The following CHN2 variants were observed in gnomAD, a reference collection of about 807,000 sequenced individuals.
CHN2 encodes the protein chimerin 2, also known as beta-chimaerin.
In CHN2, 35 loss-of-function variants were observed where a neutral mutation model predicts 56.3. The ratio of observed to expected loss-of-function variants is 0.62; its 90% CI spans 0.47 to 0.82. CHN2 has a LOEUF of 0.82. Ranked by LOEUF, CHN2 falls within the 40% of genes least tolerant of loss-of-function variation. The pLI is 0.00. For missense variants in CHN2, 491 were observed against 580.5 expected (o/e 0.85, Z 1.58); for synonymous variants, 210 against 212.8 (o/e 0.99, Z 0.12).
At chr7:29,472,281 A>ACACACACACACACACACT (rs1554298692) in intron 6 of CHN2, among the ~76,000 whole-genome samples, 1 of 143,502 alleles carries the variant, frequency 7.0e-6, no homozygotes. Context: ...ATACACACAC[A>ACACACACACACACACACT]CACACACACA....
intron 1 of CHN2, among the ~76,000 whole-genome samples, chr7:29,308,748 G>T (rs1794359476): frequency 6.6e-6 from 1 of 152,160 alleles, no homozygotes; most frequent in African/African-American, 2.4e-5. Flanking sequence ...GTAGTTGGGT[G>T]GATAATAGCC....
chr7:29,379,294 C>T (rs1203176103), intron 3 of CHN2, among the ~76,000 whole-genome samples: 1 of 152,188 alleles, frequency 6.6e-6, no homozygotes, highest in Non-Finnish European at 1.5e-5. Context: ...AAAGGTGGCA[C>T]AGCACTCCAT....
chr7:29,352,688 A>C (rs570289051), intron 1 of CHN2, among the ~76,000 whole-genome samples: 35 of 152,322 alleles, frequency 2.3e-4, no homozygotes, highest in South Asian at 1.0e-3. Context: ...ATGCCACTGC[A>C]CTTCAGCCTG....
At chr7:29,490,354 T>G (rs1788528033) in intron 7 of CHN2, among the ~76,000 whole-genome samples, 2 of 152,204 alleles carry the variant, frequency 1.3e-5, no homozygotes, top group South Asian at 4.1e-4. Flanking sequence ...GAAGAATTTA[T>G]TATTCTCTCC....
intron 3 of CHN2, among the ~76,000 whole-genome samples, chr7:29,375,425 A>T (rs1365553496): frequency 1.3e-5 from 2 of 151,542 alleles, no homozygotes; most frequent in Non-Finnish European, 2.9e-5. Flanking sequence ...TGAACTCCTG[A>T]CCTCAAGTGA....
intron 2 of CHN2, among the ~76,000 whole-genome samples, chr7:29,150,695 A>G (rs1793467803): frequency 6.6e-6 from 1 of 152,192 alleles, no homozygotes; most frequent in Non-Finnish European, 1.5e-5. Context: ...CTTGTAGGCA[A>G]TCATGCCCCT....
chr7:29,280,145 A>G (rs1181463901), intron 1 of CHN2, among the ~76,000 whole-genome samples: 1 of 152,182 alleles, frequency 6.6e-6, no homozygotes, highest in African/African-American at 2.4e-5. Context: ...GCACTTTGGG[A>G]GGCTGAGGCG....
At chr7:29,175,215 C>T (rs1797138237) in intron 2 of CHN2, among the ~76,000 whole-genome samples, 1 of 151,534 alleles carries the variant, frequency 6.6e-6, no homozygotes, top group Non-Finnish European at 1.5e-5. Flanking sequence ...CTCTCTGTCA[C>T]CCAGGCTGGA....
intron 1 of CHN2, among the ~76,000 whole-genome samples, chr7:29,243,632 TCC>T (rs779575109): frequency 3.3e-5 from 5 of 152,204 alleles, no homozygotes; most frequent in Non-Finnish European, 7.3e-5. Flanking sequence ...CTTAAAATAC[TCC>T]AGAAGTTTTT....
intron 2 of CHN2, among the ~76,000 whole-genome samples, chr7:29,357,551 A>G (rs1213420497): frequency 2.0e-5 from 3 of 152,254 alleles, no homozygotes; most frequent in Admixed American, 2.0e-4. Context: ...GAAATCAACA[A>G]TGAATAAAAT....
At chr7:29,494,312 TTATTA>T (rs1470376992) in intron 7 of CHN2, among the ~76,000 whole-genome samples, 1 of 152,136 alleles carries the variant, frequency 6.6e-6, no homozygotes, top group Non-Finnish European at 1.5e-5. Context: ...ACATATTATT[TTATTA>T]TATTTAATTG....
intron 2 of CHN2, among the ~76,000 whole-genome samples, chr7:29,175,054 A>G (rs982894143): frequency 2.0e-5 from 3 of 152,170 alleles, no homozygotes; most frequent in South Asian, 4.1e-4. Context: ...TGTAGCTCCC[A>G]TAATTCCCAT....
intron 6 of CHN2, among the ~76,000 whole-genome samples, chr7:29,406,148 T>C (rs1802633636): frequency 6.6e-6 from 1 of 152,226 alleles, no homozygotes; most frequent in Admixed American, 6.5e-5. Context: ...TTCAAATTCC[T>C]TACAGGAAAT....
intron 6 of CHN2, among the ~76,000 whole-genome samples, chr7:29,414,492 G>A (rs947203847): frequency 6.6e-6 from 1 of 152,054 alleles, no homozygotes; most frequent in Admixed American, 6.5e-5. Context: ...GAATTGGAGC[G>A]GTGGAAGTAA....
intron 1 of CHN2, chr7:29,288,931 A>G (rs1215987626): frequency 6.6e-6 from 1 of 152,214 alleles, no homozygotes; most frequent in Non-Finnish European, 1.5e-5. Context: ...CATCGTGCCA[A>G]CTCAACTAGC....
intron 1 of CHN2, among the ~76,000 whole-genome samples, chr7:29,257,201 C>T (rs1789142874): frequency 6.6e-6 from 1 of 152,212 alleles, no homozygotes; most frequent in South Asian, 2.1e-4. Flanking sequence ...GACCACCAAC[C>T]CTCACTGAGG....
chr7:29,373,980 C>T (rs867028701), intron 3 of CHN2, among the ~76,000 whole-genome samples: 5 of 152,138 alleles, frequency 3.3e-5, no homozygotes, highest in Admixed American at 6.5e-5. Context: ...TAAGACATCT[C>T]GACAAGGTAT....
intron 1 of CHN2, among the ~76,000 whole-genome samples, chr7:29,305,505 T>C (rs1475755548): frequency 1.3e-5 from 2 of 152,190 alleles, no homozygotes; most frequent in African/African-American, 4.8e-5. Context: ...ACAAAGCTTG[T>C]GATTTGGAAG....
chr7:29,197,216 A>G, intron 1 of CHN2, among the ~76,000 whole-genome samples: 1 of 152,102 alleles, frequency 6.6e-6, no homozygotes, highest in Non-Finnish European at 1.5e-5. Context: ...ATTAATCACT[A>G]TTTTCAAGGG....
Sources: gnomAD v4.1 joint callset for allele counts (sites outside exome capture counted in the v4.1 genomes callset) on GRCh38, gnomAD v4.1.1 for gene constraint, MANE v1.5 for transcripts, NCBI Gene and HGNC (gene_info 2026-07-23, HGNC 2026-07-21) for gene names.